Variants in DUSP10 observed in about 807,000 individuals in gnomAD.
The protein encoded by DUSP10 is dual specificity phosphatase 10, also known as dual specificity protein phosphatase 10.
In DUSP10, 14 loss-of-function variants were observed where a neutral mutation model predicts 30.8. The ratio of observed to expected loss-of-function variants is 0.46; its 90% confidence interval spans 0.30 to 0.71. DUSP10 has a LOEUF of 0.71. Among genes scored for constraint, DUSP10 ranks in the 30% least tolerant of loss-of-function variants. The pLI is 0.08. For synonymous variants in DUSP10, 254 were observed against 250.4 expected (o/e 1.01, Z -0.14); for missense variants, 550 against 619.4 (o/e 0.89, Z 1.19).
chr1:221,717,347 T>A (rs1182536370), intron 2 of DUSP10, among the ~76,000 whole-genome samples: 1 of 152,048 alleles, frequency 6.6e-6, no homozygotes, highest in African/African-American at 2.4e-5. Context: ...TCACAGGGCC[T>A]CTTAGGCAGG....
chr1:221,733,420 G>A (rs977184423), intron 2 of DUSP10, among the ~76,000 whole-genome samples: 2 of 152,190 alleles, frequency 1.3e-5, no homozygotes, highest in African/African-American at 4.8e-5. Flanking sequence ...CTATTGCCAG[G>A]AGAGGAGTTT....
rs748576044 is a variant in DUSP10, at chr1:221,739,424, T to C, written c.321A>G (p.Gly107=). 19 of 1,614,060 alleles carry C rather than the reference T, an allele frequency of 1.2e-5. No homozygotes were observed. The highest frequency in any genetic ancestry group is 2.7e-5 in the African/African-American group (2 of 74,904). Residue 107 remains glycine (G), a synonymous_variant, in exon 2 of 4, where the codon GGA becomes GGG. Coordinates refer to ENST00000366899, the MANE Select transcript of DUSP10 (RefSeq NM_007207.6). ...GGTTAGCAGGGCAGGTGGTAGAGGT[T>C]CCGATGGCAGTGGTGGTGGTGCCAG... is the stretch of plus-strand genomic sequence containing the variant. ...IAAGTTTTAI[G]TSTTCPANQM...
chr1:221,705,650 C>T (rs181873928), intron 3 of DUSP10, among the ~76,000 whole-genome samples: 29 of 152,176 alleles, frequency 1.9e-4, no homozygotes, highest in Middle Eastern at 6.8e-3. Context: ...GTAGGGTGAC[C>T]GGAAGGCATA....
chr1:221,703,525 G>C (rs1417278167), intron 3 of DUSP10, among the ~76,000 whole-genome samples: 2 of 152,152 alleles, frequency 1.3e-5, no homozygotes, highest in Non-Finnish European at 2.9e-5. Flanking sequence ...ACAGGCCGAG[G>C]GTGTCACCTC....
At chr1:221,717,352 G>A (rs1661134987) in intron 2 of DUSP10, among the ~76,000 whole-genome samples, 2 of 152,090 alleles carry the variant, frequency 1.3e-5, no homozygotes, top group African/African-American at 2.4e-5. Flanking sequence ...GGGCCTCTTA[G>A]GCAGGTTTTA....
chr1:221,705,564 T>C (rs1441695950), intron 3 of DUSP10, among the ~76,000 whole-genome samples: 1 of 152,206 alleles, frequency 6.6e-6, no homozygotes, highest in African/African-American at 2.4e-5. Flanking sequence ...TGATCTTTCC[T>C]AGTTCAATGA....
intron 2 of DUSP10, among the ~76,000 whole-genome samples, chr1:221,726,745 A>T (rs1485056402): frequency 6.6e-6 from 1 of 151,572 alleles, no homozygotes; most frequent in Non-Finnish European, 1.5e-5. Context: ...TATCCACCCC[A>T]AAAGAAACAC....
intron 3 of DUSP10, among the ~76,000 whole-genome samples, chr1:221,704,849 G>A (rs774623160): frequency 3.3e-5 from 5 of 152,084 alleles, no homozygotes; most frequent in Non-Finnish European, 5.9e-5. Flanking sequence ...AAAACAGCTT[G>A]GCAAAATGAC....
At chr1:221,715,980 C>A (rs182119847) in intron 2 of DUSP10, among the ~76,000 whole-genome samples, 82 of 151,126 alleles carry the variant, frequency 5.4e-4, no homozygotes, top group African/African-American at 1.9e-3. Flanking sequence ...GCTCCTCTAC[C>A]CTGATCCCTC....
intron 3 of DUSP10, among the ~76,000 whole-genome samples, chr1:221,704,556 G>C (rs1036584102): frequency 6.6e-6 from 1 of 152,120 alleles, no homozygotes; most frequent in African/African-American, 2.4e-5. Context: ...CAGCGCTCCA[G>C]GTTTGGCTCA....
At chr1:221,718,197 C>A (rs890227070) in intron 2 of DUSP10, among the ~76,000 whole-genome samples, 6 of 152,056 alleles carry the variant, frequency 3.9e-5, no homozygotes, top group Admixed American at 2.0e-4. Context: ...CCTTGTAGAA[C>A]CTTAGTTCCA....
intron 2 of DUSP10, among the ~76,000 whole-genome samples, chr1:221,721,214 T>C (rs1661269604): frequency 6.6e-6 from 1 of 152,264 alleles, no homozygotes; most frequent in African/African-American, 2.4e-5. Flanking sequence ...ATTAAATATT[T>C]TTAGATTCAT....
chr1:221,730,380 A>G lies in DUSP10; in HGVS notation c.811+8554T>C, dbSNP rs140325580. Among the ~76,000 whole-genome samples the G allele has an allele frequency of 1.3e-3, 196 of 152,254 alleles. 1 individual carries two copies. Among genetic ancestry groups the G allele is most frequent in the African/African-American group, 4.4e-3 (181 of 41,558 alleles). ...GCGACCCCCTGGCTCGGGCAGTTTAATCTGTTTACTTGATGTGTGCAATGG... is the reference window on the plus strand; with the variant it reads ...GCGACCCCCTGGCTCGGGCAGTTTAGTCTGTTTACTTGATGTGTGCAATGG... On this transcript the variant is annotated intron_variant, in intron 2 of 3. Coordinates refer to ENST00000366899, the MANE Select transcript of DUSP10 (RefSeq NM_007207.6).
intron 2 of DUSP10, among the ~76,000 whole-genome samples, chr1:221,727,919 G>A (rs1026869856): frequency 6.6e-6 from 1 of 152,132 alleles, no homozygotes; most frequent in Non-Finnish European, 1.5e-5. Flanking sequence ...TCATGTATTG[G>A]AAACTTAATT....
chr1:221,709,258 A>G (rs1309691690), intron 2 of DUSP10, among the ~76,000 whole-genome samples: 1 of 152,042 alleles, frequency 6.6e-6, no homozygotes, highest in Non-Finnish European at 1.5e-5. Flanking sequence ...TGTTCTGGGG[A>G]GCCAATGATG....
At chr1:221,710,565 A>G (rs1660905670) in intron 2 of DUSP10, among the ~76,000 whole-genome samples, 1 of 152,190 alleles carries the variant, frequency 6.6e-6, no homozygotes, top group Non-Finnish European at 1.5e-5. Context: ...TAAAGACTCT[A>G]TATAAGTAAA....
chr1:221,738,946 G>C lies in DUSP10; in HGVS notation c.799C>G (p.Leu267Val). ...ESLKREGKEP[L>V]VLKGGLSSFK... Reference sequence around the variant, plus strand: ...GCAGGGGCATTACCTTTCAACACCAGAGGTTCTTTGCCTTCTCTCTTCAGG... The same window carrying C: ...GCAGGGGCATTACCTTTCAACACCACAGGTTCTTTGCCTTCTCTCTTCAGG... Residue 267 changes from leucine to valine, a missense_variant, in exon 2 of 4, where the codon CTG (leucine) becomes GTG (valine). Leu to Val is a conservative substitution (Grantham distance 32, BLOSUM62 1). Transcript: ENST00000366899. 6.2e-7 allele frequency: 1 copy of C among 1,609,390 alleles called. No individual in the cohort carries two copies. The highest frequency in any genetic ancestry group is 8.5e-7 in the Non-Finnish European group (1 of 1,177,336).
At chr1:221,736,084 C>T (rs1457758762) in intron 2 of DUSP10, among the ~76,000 whole-genome samples, 1 of 152,138 alleles carries the variant, frequency 6.6e-6, no homozygotes, top group Non-Finnish European at 1.5e-5. Flanking sequence ...TAAATTAGAA[C>T]AGTAACTTAA....
intron 3 of DUSP10, among the ~76,000 whole-genome samples, chr1:221,703,454 T>C (rs1347098908): frequency 6.6e-6 from 1 of 152,192 alleles, no homozygotes; most frequent in African/African-American, 2.4e-5. Context: ...AGGAAGATAC[T>C]ATGTTCAGCT....
Sources: allele counts gnomAD v4.1 joint callset (sites outside exome capture counted in the v4.1 genomes callset), GRCh38; gene constraint gnomAD v4.1.1; transcripts MANE v1.5; gene names NCBI Gene and HGNC (gene_info 2026-07-23, HGNC 2026-07-21).